Variants in ECT2L observed in about 807,000 individuals in gnomAD.
The protein encoded by ECT2L is epithelial cell transforming 2 like, also known as epithelial cell-transforming sequence 2 oncogene-like.
ECT2L carries 126 observed loss-of-function variants against 122.8 expected under a neutral mutation model. The ratio of observed to expected loss-of-function variants is 1.03; its 90% CI spans 0.89 to 1.19. The LOEUF (loss-of-function observed/expected upper bound fraction) is 1.19, where lower values mean the gene tolerates loss of function less well. Among genes scored for constraint, ECT2L ranks in the 50% most tolerant of loss-of-function variants. The pLI is 0.00. For missense variants in ECT2L, 1,012 were observed against 1,064.1 expected, an observed-to-expected ratio of 0.95 and a Z score of 0.68; for synonymous variants, 385 against 381.8, an observed-to-expected ratio of 1.01 and a Z score of -0.10.
chr6:138,902,478 T>C, intron 21 of ECT2L, 22 bp from the exon 22 acceptor site: 2 of 1,603,830 alleles, frequency 1.2e-6, no homozygotes, highest in Non-Finnish European at 1.7e-6. Flanking sequence ...GATTAATTAG[T>C]ATACCTCAAA....
chr6:138,859,253 A>G (rs1276005541), intron 10 of ECT2L, among the ~76,000 whole-genome samples: 2 of 152,140 alleles, frequency 1.3e-5, no homozygotes, highest in Non-Finnish European at 2.9e-5. Flanking sequence ...CCTTTTTACT[A>G]CTGGGAATTA....
intron 10 of ECT2L, among the ~76,000 whole-genome samples, chr6:138,856,462 C>A (rs1777614978): frequency 6.6e-6 from 1 of 152,212 alleles, no homozygotes; most frequent in Non-Finnish European, 1.5e-5. Flanking sequence ...ATCCGCCCAC[C>A]TCAGCCTCCC....
At chr6:138,824,085 T>C (rs1776351392) in intron 4 of ECT2L, among the ~76,000 whole-genome samples, 1 of 152,076 alleles carries the variant, frequency 6.6e-6, no homozygotes, top group Non-Finnish European at 1.5e-5. Context: ...GATAATTTTG[T>C]ATCTTGGTTG....
chr6:138,893,414 T>TA (rs1170517298), intron 20 of ECT2L, among the ~76,000 whole-genome samples: 23 of 141,920 alleles, frequency 1.6e-4, no homozygotes, highest in African/African-American at 5.7e-4. Flanking sequence ...TATATATATA[T>TA]TTTTTTATTT....
At chr6:138,888,120 C>T (rs1267193260) in intron 19 of ECT2L, among the ~76,000 whole-genome samples, 1 of 151,990 alleles carries the variant, frequency 6.6e-6, no homozygotes, top group African/African-American at 2.4e-5. Context: ...GTTGTTTTGT[C>T]ATAATTTTGG....
chr6:138,840,355 G>C (rs1776995769), intron 5 of ECT2L, among the ~76,000 whole-genome samples: 2 of 150,672 alleles, frequency 1.3e-5, no homozygotes, highest in South Asian at 4.3e-4. Flanking sequence ...GTTTTATGTA[G>C]TCAATATTGA....
At chr6:138,820,473 C>T (rs1159849138) in intron 4 of ECT2L, among the ~76,000 whole-genome samples, 5 of 152,064 alleles carry the variant, frequency 3.3e-5, no homozygotes, top group African/African-American at 1.2e-4. Context: ...ATAAAAAATC[C>T]TTGGCCCTTG....
rs373957226 is a variant in ECT2L at position 138,846,671 on chromosome 6, G to T, written c.897G>T (p.Ala299=). Residue 299 remains alanine, a synonymous_variant, in exon 8 of 22, where the codon GCG becomes GCT. Coordinates refer to ENST00000541398, the MANE Select transcript of ECT2L (RefSeq NM_001077706.3). ...TGTTAATATCATCCCGGATTCCTGC[G>T]TATGAGGTAGAGTATGTTATGAGGC... is the stretch of plus-strand genomic sequence containing the variant. ...HFMLISSRIP[A]YEMVMESVKA... is the part of the protein sequence containing the mutation. 5 of 1,595,730 alleles carry T rather than the reference G, an allele frequency of 3.1e-6. No homozygotes were observed. The highest frequency in any genetic ancestry group is 4.3e-6 in the Non-Finnish European group (5 of 1,172,474).
At chr6:138,835,015 G>A (rs975410481) in intron 4 of ECT2L, among the ~76,000 whole-genome samples, 1 of 151,434 alleles carries the variant, frequency 6.6e-6, no homozygotes, top group African/African-American at 2.4e-5. Context: ...TTTGTCTCAG[G>A]ATGTGACAAG....
At chr6:138,901,169 T>C (rs370960190) in intron 21 of ECT2L, 49 bp downstream of exon 21, 6 of 1,570,300 alleles carry the variant, frequency 3.8e-6, no homozygotes, top group East Asian at 2.2e-5. Flanking sequence ...AAAAGCTATA[T>C]AATGTAAAGC....
chr6:138,811,055 G>A (rs936309604), intron 1 of ECT2L, among the ~76,000 whole-genome samples: 29 of 152,310 alleles, frequency 1.9e-4, no homozygotes, highest in Admixed American at 1.6e-3. Flanking sequence ...CATGGACCTG[G>A]TGACTTGCTT....
At chr6:138,857,954 A>C (rs1002918764) in intron 10 of ECT2L, among the ~76,000 whole-genome samples, 2 of 152,282 alleles carry the variant, frequency 1.3e-5, no homozygotes, top group East Asian at 3.9e-4. Flanking sequence ...AGGAGGAGGA[A>C]GAATGAGAAC....
At chr6:138,855,256 C>T (rs1777574419) in intron 10 of ECT2L, among the ~76,000 whole-genome samples, 1 of 151,810 alleles carries the variant, frequency 6.6e-6, no homozygotes, top group African/African-American at 2.4e-5. Flanking sequence ...ACCTGTAATC[C>T]CAGTACTTTG....
intron 20 of ECT2L, among the ~76,000 whole-genome samples, chr6:138,892,407 CTGA>C (rs1373837996): frequency 1.2e-4 from 19 of 152,204 alleles, no homozygotes; most frequent in African/African-American, 4.1e-4. Context: ...AGTTTCTGCT[CTGA>C]TAATTCCAAA....
At chr6:138,802,982 A>C (rs1167317643) in intron 1 of ECT2L, among the ~76,000 whole-genome samples, 1 of 152,036 alleles carries the variant, frequency 6.6e-6, no homozygotes, top group Non-Finnish European at 1.5e-5. Context: ...AAGCTGAGGC[A>C]GGAAAATCGC....
chr6:138,855,979 A>G (rs1190891462), intron 10 of ECT2L, among the ~76,000 whole-genome samples: 4 of 152,216 alleles, frequency 2.6e-5, no homozygotes, highest in Non-Finnish European at 5.9e-5. Context: ...CACTCAAAAA[A>G]TAGGCTTTCT....
At chr6:138,882,583 C>A in intron 15 of ECT2L, 141 bp from the exon 16 acceptor site, 1 of 1,007,750 alleles carries the variant, frequency 9.9e-7, no homozygotes, top group Non-Finnish European at 1.4e-6. Flanking sequence ...CTCCACTTCT[C>A]TGTGTTAGGA....
At chr6:138,892,422 T>C (rs996509141) in intron 20 of ECT2L, among the ~76,000 whole-genome samples, 1 of 152,170 alleles carries the variant, frequency 6.6e-6, no homozygotes, top group Non-Finnish European at 1.5e-5. Context: ...AATTCCAAAA[T>C]CTCTACTATA....
At chr6:138,833,912 C>T (rs138222740) in intron 4 of ECT2L, among the ~76,000 whole-genome samples, 3 of 152,172 alleles carry the variant, frequency 2.0e-5, no homozygotes, top group South Asian at 4.2e-4. Context: ...AGAAGCCACC[C>T]GACAAGGCTT....
Sources: allele counts gnomAD v4.1 joint callset (sites outside exome capture counted in the v4.1 genomes callset), GRCh38; gene constraint gnomAD v4.1.1; transcripts MANE v1.5; gene names NCBI Gene and HGNC (gene_info 2026-07-23, HGNC 2026-07-21).